The following NR5A2 variants were observed in gnomAD, a reference collection of about 807,000 sequenced individuals.
NR5A2 encodes the protein CYP7A promoter-binding factor.
Under a neutral mutation model 62.7 loss-of-function variants are expected in NR5A2, and 26 were observed. That is an observed-to-expected ratio of 0.41 (90% CI 0.30 to 0.58). The LOEUF is 0.58. NR5A2 is among the 20% of genes least tolerant of loss of function. The pLI is 0.22. For synonymous variants in NR5A2, 246 were observed against 241.7 expected (o/e 1.02, Z -0.16); for missense variants, 541 against 669.1 (o/e 0.81, Z 2.11).
chr1:200,036,154 A>T (rs751243430), intron 1 of NR5A2, among the ~76,000 whole-genome samples: 8 of 151,912 alleles, frequency 5.3e-5, no homozygotes. Flanking sequence ...GACCACACAG[A>T]CCCGGTTCCA....
At position 200,113,072 on chromosome 1, in the gene NR5A2, C is replaced by T. The variant is rs3790815; in HGVS notation, c.1230+1751C>T. 4.3e-4 allele frequency among the ~76,000 whole-genome samples: 65 copies of T among 152,268 alleles called. No homozygotes were observed. The East Asian group carries it at 0.012, about 29-fold the overall frequency. On this transcript the variant is annotated intron_variant, in intron 6 of 7. Coordinates refer to ENST00000367362, the MANE Select transcript of NR5A2 (RefSeq NM_205860.3). ...ATTTCTTGCTGTCTGATTTTCAAAA[C>T]CAAGAACAATCAAGGAATGGATGGT...
chr1:200,138,856 C>T (rs1165857583), intron 7 of NR5A2, among the ~76,000 whole-genome samples: 1 of 152,098 alleles, frequency 6.6e-6, no homozygotes, highest in Non-Finnish European at 1.5e-5. Flanking sequence ...GTCCCTCCAC[C>T]TTTTATTTCA....
chr1:200,066,574 A>AT (rs1357257352), intron 5 of NR5A2, among the ~76,000 whole-genome samples: 2 of 137,022 alleles, frequency 1.5e-5, no homozygotes, highest in African/African-American at 6.2e-5. Context: ...CCTGCCATCT[A>AT]TTTAATTAAT....
At chr1:200,068,600 G>A (rs1240541898) in intron 5 of NR5A2, among the ~76,000 whole-genome samples, 2 of 152,100 alleles carry the variant, frequency 1.3e-5, no homozygotes, top group African/African-American at 2.4e-5. Flanking sequence ...TTTAGGAAGC[G>A]CTCAGTGAAA....
intron 5 of NR5A2, among the ~76,000 whole-genome samples, chr1:200,062,848 A>T (rs189047556): frequency 6.6e-6 from 1 of 152,170 alleles, no homozygotes; most frequent in African/African-American, 2.4e-5. Context: ...ACACATTATT[A>T]TGTACTTTAA....
chr1:200,163,255 A>T (rs1303590906), intron 7 of NR5A2, among the ~76,000 whole-genome samples: 1 of 143,338 alleles, frequency 7.0e-6, no homozygotes, highest in Non-Finnish European at 1.5e-5. Context: ...GAATAGCAGC[A>T]TGTCAAAGGC....
chr1:200,152,772 G>A (rs900818336), intron 7 of NR5A2, among the ~76,000 whole-genome samples: 1 of 151,750 alleles, frequency 6.6e-6, no homozygotes, highest in Non-Finnish European at 1.5e-5. Flanking sequence ...TTTTGCATTT[G>A]CCTTTGACAT....
At chr1:200,045,269 G>A (rs776435361) in intron 3 of NR5A2, among the ~76,000 whole-genome samples, 174 bp from the exon 4 acceptor site, 1 of 152,126 alleles carries the variant, frequency 6.6e-6, no homozygotes, top group Non-Finnish European at 1.5e-5. Flanking sequence ...CTCCACCATG[G>A]CCTGGCACAG....
chr1:200,094,730 C>A (rs919859531), intron 5 of NR5A2, among the ~76,000 whole-genome samples: 1 of 151,512 alleles, frequency 6.6e-6, no homozygotes, highest in Admixed American at 6.6e-5. Context: ...GACGGGGTTT[C>A]GCTGTGCTAG....
At chr1:200,038,860 C>T (rs997002585) in intron 1 of NR5A2, 26 of 845,066 alleles carry the variant, frequency 3.1e-5, no homozygotes, top group Non-Finnish European at 3.8e-5. Context: ...TGGGGCAGGC[C>T]GGGGGACTGG....
rs374944913 is a variant in NR5A2 at position 200,053,569 on chromosome 1, G to GCGCGCACACA, written c.1110+4752_1110+4753insGCGCACACAC. Among the ~76,000 whole-genome samples the GCGCGCACACA allele has an allele frequency of 2.4e-3, 339 of 142,104 alleles. 5 individuals are homozygous for GCGCGCACACA. The highest frequency in any genetic ancestry group is 3.6e-3 in the African/African-American group (137 of 37,678). 93.2% of individuals were successfully genotyped at this position (142,104 alleles called of 152,430 possible). ...CCCTCATCCCCCCCAGCATGCACACGCACACACACACACACACACACACAC... is the reference window on the plus strand; with the variant it reads ...CCCTCATCCCCCCCAGCATGCACACGCGCGCACACACACACACACACACACACACACACAC... On this transcript the variant is annotated intron_variant, in intron 5 of 7. Transcript: ENST00000367362.
At chr1:200,043,249 G>C (rs1662201517) in intron 2 of NR5A2, among the ~76,000 whole-genome samples, 1 of 152,242 alleles carries the variant, frequency 6.6e-6, no homozygotes, top group South Asian at 2.1e-4. Context: ...AAAGTGGGCT[G>C]CTGCTGAGAA....
chr1:200,041,948 G>A lies in NR5A2; in HGVS notation c.203-1826G>A, dbSNP rs746342343. ...GGAAGGGGAGGTAGAAAAGATCACA[G>A]TTGGGAAAGTGCGCTTTTCGCCTTG... On this transcript the variant is annotated intron_variant, in intron 2 of 7. Transcript: ENST00000367362. Among the ~76,000 whole-genome samples the A allele has an allele frequency of 6.6e-5, 10 of 152,338 alleles. No individual in the cohort carries two copies. In the South Asian group the frequency reaches 8.3e-4, roughly 13 times the overall value.
At chr1:200,111,417 T>TC in intron 6 of NR5A2, 96 bp downstream of exon 6, 2 of 1,368,880 alleles carry the variant, frequency 1.5e-6, no homozygotes, top group South Asian at 1.4e-5. Flanking sequence ...CTCTTGTGCT[T>TC]TGAAAGGGAG....
chr1:200,176,062 A>G lies in NR5A2; in HGVS notation c.*1852A>G, dbSNP rs1002847769. 6.5e-6 allele frequency: 1 copy of G among 152,680 alleles called. No homozygotes were observed. Among genetic ancestry groups the G allele is most frequent in the African/African-American group, 2.4e-5 (1 of 41,474 alleles). 9.5% of individuals were successfully genotyped at this position (152,680 alleles called of 1,614,324 possible). On this transcript the variant is annotated 3_prime_UTR_variant, in exon 8 of 8. Transcript: ENST00000367362. ...TCTTCAAATTAGTGGAACTTAGTTC[A>G]GGGACATAGAAGAGTCTTAATGAAT...
chr1:200,114,802 C>T (rs960931628), intron 6 of NR5A2, among the ~76,000 whole-genome samples: 8 of 152,148 alleles, frequency 5.3e-5, no homozygotes, highest in Admixed American at 4.6e-4. Flanking sequence ...AGGTCAAGAC[C>T]CATCTAGTAA....
chr1:200,163,155 A>T (rs1244342331), intron 7 of NR5A2, among the ~76,000 whole-genome samples: 2 of 152,086 alleles, frequency 1.3e-5, no homozygotes, highest in Non-Finnish European at 2.9e-5. Flanking sequence ...AGAAAGTACA[A>T]TCTATAATGG....
At chr1:200,125,416 C>T (rs1049680918) in intron 7 of NR5A2, among the ~76,000 whole-genome samples, 1 of 152,204 alleles carries the variant, frequency 6.6e-6, no homozygotes, top group Non-Finnish European at 1.5e-5. Flanking sequence ...TGATTATACA[C>T]ATCCCAGGTA....
chr1:200,095,129 G>GA (rs5780009), intron 5 of NR5A2, among the ~76,000 whole-genome samples: 10 of 148,010 alleles, frequency 6.8e-5, no homozygotes, highest in African/African-American at 7.4e-5. Flanking sequence ...TTAATAAAAA[G>GA]AAAAAAAAAA....
Sources: gnomAD v4.1 joint callset for allele counts (sites outside exome capture counted in the v4.1 genomes callset) on GRCh38, gnomAD v4.1.1 for gene constraint, MANE v1.5 for transcripts, NCBI Gene and HGNC (gene_info 2026-07-23, HGNC 2026-07-21) for gene names.